The following MGAT5 variants were observed in gnomAD, a reference collection of about 807,000 sequenced individuals.
MGAT5 encodes the protein alpha-1,6-mannosylglycoprotein 6-beta-N-acetylglucosaminyltransferase A.
In MGAT5, 30 loss-of-function variants were observed where a neutral mutation model predicts 94.3. That is an observed-to-expected ratio of 0.32 (90% CI 0.24 to 0.43). The LOEUF (loss-of-function observed/expected upper bound fraction) is 0.43, where lower values mean the gene tolerates loss of function less well. Among genes scored for constraint, MGAT5 ranks in the 20% least tolerant of loss-of-function variants. The pLI, the probability that MGAT5 is intolerant of heterozygous loss-of-function variation, is 1.00. For synonymous variants in MGAT5, 310 were observed against 322.9 expected (o/e 0.96, Z 0.43); for missense variants, 691 against 905.5 (o/e 0.76, Z 3.04).
At chr2:134,165,243 A>T (rs1558965624) in intron 1 of MGAT5, among the ~76,000 whole-genome samples, 1 of 152,198 alleles carries the variant, frequency 6.6e-6, no homozygotes, top group Non-Finnish European at 1.5e-5. Flanking sequence ...GAGATGACTG[A>T]TTGCTCTATT....
chr2:134,273,617 T>C (rs1186709001), intron 2 of MGAT5, among the ~76,000 whole-genome samples: 1 of 132,236 alleles, frequency 7.6e-6, no homozygotes, highest in African/African-American at 3.4e-5. Context: ...TTTAGGGGGA[T>C]AGCTCTGTGT....
chr2:134,419,197 A>G (rs1466993873), intron 12 of MGAT5, among the ~76,000 whole-genome samples: 3 of 152,236 alleles, frequency 2.0e-5, no homozygotes, highest in African/African-American at 7.2e-5. Context: ...GTTGAAGAGA[A>G]GAAAAGGTCT....
chr2:134,406,615 G>T (rs548019014), intron 11 of MGAT5, among the ~76,000 whole-genome samples: 118 of 152,188 alleles, frequency 7.8e-4, no homozygotes, highest in Non-Finnish European at 1.4e-3. Context: ...CGGTGCAGTA[G>T]CTCACATCTG....
At chr2:134,359,073 T>A (rs1679923766) in intron 9 of MGAT5, among the ~76,000 whole-genome samples, 1 of 152,240 alleles carries the variant, frequency 6.6e-6, no homozygotes, top group African/African-American at 2.4e-5. Context: ...CTAAATTGTC[T>A]TAAAATCATT....
chr2:134,444,206 G>A (rs902721232), intron 15 of MGAT5, among the ~76,000 whole-genome samples: 4 of 152,238 alleles, frequency 2.6e-5, no homozygotes, highest in African/African-American at 7.2e-5. Flanking sequence ...TTTGGGCAGT[G>A]GAGTAGGCCC....
Position 134,450,601 on chromosome 2 carries a change from G to C in MGAT5, c.*1754G>C, listed in dbSNP as rs1027385849. Reference sequence around the variant, plus strand: ...TGTATCTCCAGTCTAAGAGGAGGGTGGGGGGCACCCGGGGCCTCCTCCACT... The same window carrying C: ...TGTATCTCCAGTCTAAGAGGAGGGTCGGGGGCACCCGGGGCCTCCTCCACT... On this transcript the variant is annotated 3_prime_UTR_variant, in exon 16 of 16. Coordinates refer to ENST00000281923, the MANE Select transcript of MGAT5 (RefSeq NM_002410.5). 8 of 141,158 alleles carry C rather than the reference G, an allele frequency of 5.7e-5. No homozygotes were observed. Among genetic ancestry groups the C allele is most frequent in the African/African-American group, 2.5e-4 (8 of 32,574 alleles). 8.7% of individuals were successfully genotyped at this position (141,158 alleles called of 1,614,324 possible). A position where few individuals can be genotyped will look rare whatever the true frequency, so the allele number is the denominator to read the frequency against.
In MGAT5 at chr2:134,338,133, G is replaced by A. The variant is rs1362357581; in HGVS notation, c.646-126G>A. ...TTAAAGTCAAAGCTGCAGCAGACAA[G>A]ACTTACTTTTGAAGCTCTCAATTTA... is the stretch of plus-strand genomic sequence containing the variant. On this transcript the variant is annotated intron_variant, in intron 5 of 15. Transcript: ENST00000281923. The A allele has an allele frequency of 1.3e-5, 10 of 782,306 alleles. No homozygotes were observed. The East Asian group carries it at 2.9e-4, about 23-fold the overall frequency. The allele number at this position is 782,306 out of a possible 1,614,324, so 48.5% of individuals were successfully genotyped here.
At chr2:134,181,340 C>T (rs191465085) in intron 1 of MGAT5, among the ~76,000 whole-genome samples, 2 of 152,332 alleles carry the variant, frequency 1.3e-5, no homozygotes, top group Admixed American at 1.3e-4. Context: ...CTGCTCTACA[C>T]TCATGTAAAC....
intron 2 of MGAT5, among the ~76,000 whole-genome samples, chr2:134,300,035 A>G (rs1685924183): frequency 6.6e-6 from 1 of 152,192 alleles, no homozygotes; most frequent in African/African-American, 2.4e-5. Context: ...TTGCTGTTAT[A>G]TTCATTTCTA....
chr2:134,365,612 C>T (rs759417309), intron 10 of MGAT5, among the ~76,000 whole-genome samples: 7 of 152,064 alleles, frequency 4.6e-5, no homozygotes, highest in Non-Finnish European at 8.8e-5. Flanking sequence ...AGAGGCACCA[C>T]CCTGACAGAA....
In MGAT5 at chr2:134,403,149, C is replaced by G. The variant is rs531984448; in HGVS notation, c.1530+12C>G. ...TTCGAGAAACCAAGGTAAAAATTCACCACGGATGTGGTGTTCAGGTTATTG... is the reference window on the plus strand; with the variant it reads ...TTCGAGAAACCAAGGTAAAAATTCAGCACGGATGTGGTGTTCAGGTTATTG... On this transcript the variant is annotated intron_variant, in intron 11 of 15. Transcript: ENST00000281923. 6.4e-5 allele frequency: 103 copies of G among 1,600,412 alleles called. 1 individual carries two copies. The South Asian group carries it at 1.0e-3, about 16-fold the overall frequency.
At chr2:134,245,236 C>T (rs1159750516) in intron 1 of MGAT5, among the ~76,000 whole-genome samples, 1 of 152,124 alleles carries the variant, frequency 6.6e-6, no homozygotes, top group East Asian at 1.9e-4. Context: ...ATGGTCTCGA[C>T]CTCCCAACCT....
At chr2:134,237,121 A>ATGTGTG (rs1283215466) in intron 1 of MGAT5, among the ~76,000 whole-genome samples, 3 of 122,708 alleles carry the variant, frequency 2.4e-5, no homozygotes, top group Non-Finnish European at 5.7e-5. Flanking sequence ...TAGAAGGAGT[A>ATGTGTG]TATGTGTGTG....
chr2:134,414,862 C>T (rs901328015), intron 12 of MGAT5, among the ~76,000 whole-genome samples: 1 of 152,180 alleles, frequency 6.6e-6, no homozygotes, highest in African/African-American at 2.4e-5. Context: ...GGCTGGTCTG[C>T]ATGTGGGATC....
chr2:134,335,254 A>T (rs941206884), intron 4 of MGAT5, among the ~76,000 whole-genome samples: 1 of 151,828 alleles, frequency 6.6e-6, no homozygotes, highest in African/African-American at 2.4e-5. Flanking sequence ...ACATTCCCTC[A>T]CTCTATTGCT....
At chr2:134,134,740 G>C (rs888903369) in intron 1 of MGAT5, among the ~76,000 whole-genome samples, 1 of 152,196 alleles carries the variant, frequency 6.6e-6, no homozygotes, top group Non-Finnish European at 1.5e-5. Flanking sequence ...AGAGCTACTA[G>C]CATTTATTGG....
intron 4 of MGAT5, among the ~76,000 whole-genome samples, chr2:134,330,100 A>G (rs2105948586): frequency 6.6e-6 from 1 of 152,260 alleles, no homozygotes; most frequent in African/African-American, 2.4e-5. Context: ...AGTGTGTCAA[A>G]TGAATATTTA....
rs1269328638 is a variant in MGAT5, at chr2:134,452,775, T to A, written c.*3928T>A. On this transcript the variant is annotated 3_prime_UTR_variant, in exon 16 of 16. Transcript: ENST00000281923. ...TTATTTTATTTATTTAAAAGTATTT[T>A]AATTTCCATATTGGCTTTATTCTAA... The A allele has an allele frequency of 1.3e-5, 2 of 152,266 alleles. No homozygotes were observed. Among genetic ancestry groups the A allele is most frequent in the South Asian group, 2.1e-4 (1 of 4,836 alleles). The allele number at this position is 152,266 out of a possible 1,614,324, so 9.4% of individuals were successfully genotyped here.
chr2:134,280,047 G>A (rs142071815), intron 2 of MGAT5, among the ~76,000 whole-genome samples: 1 of 152,300 alleles, frequency 6.6e-6, no homozygotes, highest in East Asian at 1.9e-4. Flanking sequence ...CTGGGGTTTT[G>A]AGAGATTTTC....
Sources: allele counts gnomAD v4.1 joint callset (sites outside exome capture counted in the v4.1 genomes callset), GRCh38; gene constraint gnomAD v4.1.1; transcripts MANE v1.5; gene names NCBI Gene and HGNC (gene_info 2026-07-23, HGNC 2026-07-21).